The following RAMP3 variants were observed in gnomAD, a reference collection of about 807,000 sequenced individuals.
RAMP3 encodes the protein receptor activity modifying protein 3.
Under a neutral mutation model 13.5 loss-of-function variants are expected in RAMP3, and 14 were observed. The ratio of observed to expected loss-of-function variants is 1.04; its 90% CI spans 0.69 to 1.63. RAMP3 has a LOEUF of 1.63. Ranked by LOEUF, RAMP3 falls within the 40% of genes most tolerant of loss-of-function variation. RAMP3 has a pLI of 0.00. For missense variants in RAMP3, 200 were observed against 204.8 expected (o/e 0.98, Z 0.14); for synonymous variants, 106 against 88.3 (o/e 1.20, Z -1.12).
chr7:45,177,498 A>C (rs1220657115), intron 2 of RAMP3, 57 bp downstream of exon 2: 4 of 1,607,538 alleles, frequency 2.5e-6, no homozygotes, highest in Non-Finnish European at 2.6e-6. Context: ...CCCACTGCCC[A>C]ACCACTGCCT....
At chr7:45,164,032 G>C (rs1380482613) in intron 1 of RAMP3, among the ~76,000 whole-genome samples, 2 of 152,178 alleles carry the variant, frequency 1.3e-5, no homozygotes, top group Non-Finnish European at 2.9e-5. Context: ...CTGAAGACCT[G>C]TACATCCTGC....
chr7:45,181,137 C>T (rs1786304106), intron 2 of RAMP3, among the ~76,000 whole-genome samples: 1 of 152,212 alleles, frequency 6.6e-6, no homozygotes, highest in South Asian at 2.1e-4. Context: ...TTATTAAACC[C>T]ACTTACAGAT....
Position 45,183,180 on chromosome 7 carries a change from G to A in RAMP3, c.215G>A (p.Cys72Tyr), listed in dbSNP as rs920461242. ...AGGTACTATGAGAGTTTCACCAACT[G>A]CACCGAGATGGAGGCCAATGTCGTG... Reference protein sequence around the residue: ...FIVYYESFTNCTEMEANVVGC... With the variant: ...FIVYYESFTNYTEMEANVVGC... Residue 72 changes from cysteine to tyrosine, a missense_variant, in exon 3 of 3, where the codon TGC (cysteine) becomes TAC (tyrosine). Transcript: ENST00000242249. 1.2e-6 allele frequency: 2 copies of A among 1,612,364 alleles called. No homozygotes were observed. Among genetic ancestry groups the A allele is most frequent in the African/African-American group, 2.7e-5 (2 of 75,008 alleles).
intron 1 of RAMP3, among the ~76,000 whole-genome samples, chr7:45,170,784 T>C (rs1786064808): frequency 6.6e-6 from 1 of 152,194 alleles, no homozygotes; most frequent in African/African-American, 2.4e-5. Flanking sequence ...TGGCTGGGAC[T>C]GCAGGTGTGC....
At chr7:45,180,203 AGG>A (rs1786277238) in intron 2 of RAMP3, among the ~76,000 whole-genome samples, 1 of 152,244 alleles carries the variant, frequency 6.6e-6, no homozygotes, top group Admixed American at 6.5e-5. Context: ...GGGAAGCCCC[AGG>A]GAGGGCGGTG....
chr7:45,176,262 C>T (rs985807170), intron 1 of RAMP3, among the ~76,000 whole-genome samples: 1 of 152,138 alleles, frequency 6.6e-6, no homozygotes. Flanking sequence ...TTCTTATCTG[C>T]TTCTTCATGG....
chr7:45,163,860 A>G, intron 1 of RAMP3: 1 of 985,376 alleles, frequency 1.0e-6, no homozygotes, highest in Non-Finnish European at 1.2e-6. Flanking sequence ...CCATTCCTGC[A>G]GAGATGGTAT....
intron 1 of RAMP3, among the ~76,000 whole-genome samples, chr7:45,173,740 T>G (rs1442257621): frequency 2.0e-5 from 3 of 152,132 alleles, no homozygotes; most frequent in Non-Finnish European, 4.4e-5. Flanking sequence ...CTTCTGATAG[T>G]GTGGGGAGGA....
intron 1 of RAMP3, among the ~76,000 whole-genome samples, chr7:45,160,569 C>T (rs1449988978): frequency 6.6e-6 from 1 of 152,020 alleles, no homozygotes; most frequent in African/African-American, 2.4e-5. Flanking sequence ...GGTCGACTGA[C>T]CGTGGCCCAT....
intron 2 of RAMP3, among the ~76,000 whole-genome samples, chr7:45,182,492 G>T (rs1021096615): frequency 6.6e-6 from 1 of 152,168 alleles, no homozygotes; most frequent in African/African-American, 2.4e-5. Context: ...AGCCTGTGCT[G>T]GGCGGTCATG....
In RAMP3 at chr7:45,177,608, T is replaced by C. The variant is rs565738121; in HGVS notation, c.191+167T>C. On this transcript the variant is annotated intron_variant, in intron 2 of 2. Transcript: ENST00000242249. ...CCCTTTCATGTGCTGCCCCACACTTTGCCCAGGGCCCCAACCACGCTCCTA... is the reference window on the plus strand; with the variant it reads ...CCCTTTCATGTGCTGCCCCACACTTCGCCCAGGGCCCCAACCACGCTCCTA... 4.6e-5 allele frequency among the ~76,000 whole-genome samples: 7 copies of C among 152,208 alleles called. No homozygotes were observed. In the South Asian group the frequency reaches 1.4e-3, roughly 32 times the overall value.
intron 1 of RAMP3, among the ~76,000 whole-genome samples, chr7:45,169,319 T>G (rs1467318910): frequency 6.6e-6 from 1 of 152,210 alleles, no homozygotes; most frequent in African/African-American, 2.4e-5. Context: ...CTTGCTCTAT[T>G]TTCTGGAAGA....
At chr7:45,173,286 A>T (rs555646861) in intron 1 of RAMP3, among the ~76,000 whole-genome samples, 99 of 152,298 alleles carry the variant, frequency 6.5e-4, no homozygotes, top group African/African-American at 2.4e-3. Flanking sequence ...CTGGACATGG[A>T]AGTGTGTCCG....
chr7:45,174,116 T>A (rs1584073292), intron 1 of RAMP3, among the ~76,000 whole-genome samples: 1 of 151,584 alleles, frequency 6.6e-6, no homozygotes, highest in African/African-American at 2.4e-5. Flanking sequence ...GCTGGAGGAG[T>A]GAGCCAGGAG....
At chr7:45,180,948 T>C (rs1266323638) in intron 2 of RAMP3, among the ~76,000 whole-genome samples, 3 of 152,350 alleles carry the variant, frequency 2.0e-5, no homozygotes, top group Admixed American at 1.3e-4. Context: ...TGGACCTCTC[T>C]AGATATGTGA....
intron 1 of RAMP3, among the ~76,000 whole-genome samples, chr7:45,159,327 G>C (rs988888412): frequency 1.3e-5 from 2 of 152,212 alleles, no homozygotes; most frequent in African/African-American, 4.8e-5. Context: ...GTCCCAGGCC[G>C]ATGTGTCAGA....
At chr7:45,161,305 C>T (rs73692221) in intron 1 of RAMP3, among the ~76,000 whole-genome samples, 2,345 of 148,516 alleles carry the variant, frequency 0.016, 66 homozygotes, top group African/African-American at 0.056. Flanking sequence ...GGGCAATGCC[C>T]TGGCACTGGG....
intron 1 of RAMP3, among the ~76,000 whole-genome samples, chr7:45,175,489 T>C (rs1294945): frequency 0.73 from 111,311 of 152,098 alleles, 41,079 homozygotes; most frequent in Middle Eastern, 0.87. Flanking sequence ...CTGCAAGTCC[T>C]CTGTCCAACT....
At chr7:45,174,148 A>G (rs1436514159) in intron 1 of RAMP3, among the ~76,000 whole-genome samples, 1 of 152,124 alleles carries the variant, frequency 6.6e-6, no homozygotes, top group Non-Finnish European at 1.5e-5. Flanking sequence ...CCGTGGGTGA[A>G]GACAGCAGGC....
Sources: allele counts gnomAD v4.1 joint callset (sites outside exome capture counted in the v4.1 genomes callset), GRCh38; gene constraint gnomAD v4.1.1; transcripts MANE v1.5; gene names NCBI Gene and HGNC (gene_info 2026-07-23, HGNC 2026-07-21).